The following CCDC3 variants were observed in gnomAD, a reference collection of about 807,000 sequenced individuals.
CCDC3 encodes coiled-coil domain containing 3, also known as coiled-coil domain-containing protein 3.
CCDC3 carries 24 observed loss-of-function variants against 21.4 expected under a neutral mutation model. The observed-to-expected ratio is 1.12, with a 90% CI of 0.81 to 1.58. The LOEUF (loss-of-function observed/expected upper bound fraction) is 1.58, where lower values mean the gene tolerates loss of function less well. Ranked by LOEUF, CCDC3 falls within the 40% of genes most tolerant of loss-of-function variation. The pLI, the probability that CCDC3 is intolerant of heterozygous loss-of-function variation, is 0.00. For missense variants in CCDC3, 425 were observed against 360.9 expected (o/e 1.18, Z -1.44); for synonymous variants, 186 against 166.0 (o/e 1.12, Z -0.93).
chr10:13,011,067 G>C (rs1384268030), intron 5 of CCDC3, among the ~76,000 whole-genome samples: 1 of 151,946 alleles, frequency 6.6e-6, no homozygotes, highest in African/African-American at 2.4e-5. Flanking sequence ...TGTCATCCTA[G>C]CTACTCAGGA....
rs1834037129 is a variant in CCDC3, at chr10:12,898,442, C to CG, written c.786dup (p.Val263ArgfsTer29). 1 of 1,605,236 alleles carries CG rather than the reference C, an allele frequency of 6.2e-7. No homozygotes were observed. The highest frequency in any genetic ancestry group is 1.1e-5 in the South Asian group (1 of 90,792). Reference sequence around the variant, plus strand: ...TACCCCCGCAGGTAGGGGGGGCGCACGGGCCCCCGGGCATTGATGTGCGGC... The same window carrying CG: ...TACCCCCGCAGGTAGGGGGGGCGCACGGGGCCCCCGGGCATTGATGTGCGGC... On this transcript the variant is annotated frameshift_variant, in exon 3 of 3. Coordinates refer to ENST00000378825, the MANE Select transcript of CCDC3 (RefSeq NM_031455.4). LOFTEE classifies it high-confidence loss of function.
At chr10:13,007,721 A>C (rs1835941463) in intron 5 of CCDC3, among the ~76,000 whole-genome samples, 1 of 152,182 alleles carries the variant, frequency 6.6e-6, no homozygotes, top group Non-Finnish European at 1.5e-5. Context: ...TTCCCAAAAT[A>C]ATTTTTTTAA....
chr10:12,992,821 C>T (rs1477965481), intron 2 of CCDC3, among the ~76,000 whole-genome samples: 1 of 152,120 alleles, frequency 6.6e-6, no homozygotes, highest in Non-Finnish European at 1.5e-5. Flanking sequence ...TTTTAAAACA[C>T]CACTGACTGT....
intron 4 of CCDC3, among the ~76,000 whole-genome samples, chr10:13,051,303 C>A (rs1203485452): frequency 6.6e-6 from 1 of 152,174 alleles, no homozygotes; most frequent in African/African-American, 2.4e-5. Context: ...AAGCTAACAC[C>A]CACGACCCTA....
chr10:13,049,722 G>C (rs770175537), exon 5 of CCDC3: 1 of 152,058 alleles, frequency 6.6e-6, no homozygotes, highest in Admixed American at 6.5e-5. Flanking sequence ...TAGACTCTTC[G>C]CTCTCCAGGT....
intron 4 of CCDC3, among the ~76,000 whole-genome samples, chr10:13,068,682 T>A (rs994131464): frequency 3.3e-5 from 5 of 152,192 alleles, no homozygotes; most frequent in African/African-American, 7.2e-5. Context: ...CCCTTAATTA[T>A]GCTGGAAGGA....
chr10:13,038,819 T>C (rs1836412624), intron 5 of CCDC3, among the ~76,000 whole-genome samples: 2 of 152,232 alleles, frequency 1.3e-5, no homozygotes, highest in African/African-American at 2.4e-5. Context: ...GGGATAGATC[T>C]GTGGGCTGGG....
chr10:13,057,316 A>T (rs1445938880), intron 4 of CCDC3, among the ~76,000 whole-genome samples: 1 of 152,012 alleles, frequency 6.6e-6, no homozygotes, highest in Admixed American at 6.6e-5. Context: ...AAATTTTAAA[A>T]TAATGAGGGG....
At chr10:13,046,442 C>T (rs537892659) in intron 5 of CCDC3, among the ~76,000 whole-genome samples, 5 of 151,398 alleles carry the variant, frequency 3.3e-5, no homozygotes, top group Admixed American at 2.6e-4. Flanking sequence ...TGCGGTGGCT[C>T]ATGCCTGTAA....
At chr10:13,071,954 A>T (rs1487773863) in intron 4 of CCDC3, among the ~76,000 whole-genome samples, 1 of 152,054 alleles carries the variant, frequency 6.6e-6, no homozygotes, top group Non-Finnish European at 1.5e-5. Context: ...GGGAAGAGTT[A>T]ATTTCCTAAA....
intron 5 of CCDC3, among the ~76,000 whole-genome samples, chr10:13,008,829 T>A (rs1835953389): frequency 6.6e-6 from 1 of 152,210 alleles, no homozygotes; most frequent in Non-Finnish European, 1.5e-5. Flanking sequence ...ACTGCTAACC[T>A]TTCACTTAAT....
intron 2 of CCDC3, among the ~76,000 whole-genome samples, chr10:12,915,622 C>T (rs1413147634): frequency 1.3e-5 from 2 of 152,160 alleles, no homozygotes; most frequent in East Asian, 3.9e-4. Flanking sequence ...TTTGAGAAAG[C>T]CTTTCACCAG....
intron 3 of CCDC3, among the ~76,000 whole-genome samples, chr10:13,094,242 A>AGATGATGATGATGAT (rs71386151): frequency 6.8e-6 from 1 of 146,746 alleles, no homozygotes; most frequent in Non-Finnish European, 1.5e-5. Context: ...TTACTTTTCA[A>AGATGATGATGATGAT]GATGATGATG....
At chr10:13,002,162 T>G (rs1368687748), upstream of CCDC3, among the ~76,000 whole-genome samples, 1 of 152,208 alleles carries the variant, frequency 6.6e-6, no homozygotes, top group Non-Finnish European at 1.5e-5. Context: ...TGCTAGTTAT[T>G]TAATGAAGAT....
intron 2 of CCDC3, among the ~76,000 whole-genome samples, chr10:12,957,797 C>T (rs192414321): frequency 1.8e-3 from 270 of 152,312 alleles, no homozygotes; most frequent in African/African-American, 6.1e-3. Flanking sequence ...ACCATACTTC[C>T]TCAATAGTTT....
intron 2 of CCDC3, among the ~76,000 whole-genome samples, chr10:12,914,824 C>T (rs1198499757): frequency 6.6e-6 from 1 of 152,102 alleles, no homozygotes; most frequent in Non-Finnish European, 1.5e-5. Flanking sequence ...CTTTATGTTG[C>T]TGATCTTCTG....
intron 5 of CCDC3, among the ~76,000 whole-genome samples, chr10:13,044,950 A>G (rs2131420936): frequency 6.6e-6 from 1 of 152,282 alleles, no homozygotes. Context: ...TGTTTGTGTC[A>G]TCTATGATTT....
chr10:13,058,193 G>A, intron 4 of CCDC3: 1 of 1,168,852 alleles, frequency 8.6e-7, no homozygotes, highest in Non-Finnish European at 1.3e-6. Flanking sequence ...TCCCTTCAGG[G>A]TGCCAAAAAC....
intron 5 of CCDC3, among the ~76,000 whole-genome samples, chr10:13,010,593 C>A (rs145791397): frequency 4.6e-5 from 7 of 152,152 alleles, no homozygotes; most frequent in African/African-American, 1.7e-4. Flanking sequence ...TATGATTAAG[C>A]CATTCCACTC....
Sources: gnomAD v4.1 joint callset for allele counts (sites outside exome capture counted in the v4.1 genomes callset) on GRCh38, gnomAD v4.1.1 for gene constraint, MANE v1.5 for transcripts, NCBI Gene and HGNC (gene_info 2026-07-23, HGNC 2026-07-21) for gene names.